Variants in ANO2 observed in about 807,000 individuals in gnomAD.
ANO2 encodes the protein anoctamin-2.
Under a neutral mutation model 124.2 loss-of-function variants are expected in ANO2, and 101 were observed. The observed-to-expected ratio is 0.81, with a 90% CI of 0.69 to 0.96. The LOEUF (loss-of-function observed/expected upper bound fraction) is 0.96, where lower values mean the gene tolerates loss of function less well. ANO2 is among the 40% of genes least tolerant of loss of function. ANO2 has a pLI of 0.00. For synonymous variants in ANO2, 486 were observed against 482.5 expected (o/e 1.01, Z -0.09); for missense variants, 1,293 against 1,274.5 (o/e 1.01, Z -0.22).
chr12:5,640,630 A>G (rs1273898247), intron 15 of ANO2, among the ~76,000 whole-genome samples: 2 of 152,254 alleles, frequency 1.3e-5, no homozygotes, highest in Non-Finnish European at 2.9e-5. Flanking sequence ...AAAAATGCTC[A>G]TCATCACTGG....
chr12:5,732,737 G>T, intron 13 of ANO2, 107 bp from the exon 14 acceptor site: 1 of 1,518,624 alleles, frequency 6.6e-7, no homozygotes, highest in Non-Finnish European at 9.1e-7. Flanking sequence ...AGGATTGGAT[G>T]CTATTGGATA....
intron 8 of ANO2, among the ~76,000 whole-genome samples, chr12:5,806,743 T>A (rs978248081): frequency 4.6e-5 from 7 of 152,250 alleles, no homozygotes; most frequent in African/African-American, 1.7e-4. Context: ...TCTGTTTTCT[T>A]TACTTAACCA....
chr12:5,735,369 T>G (rs904221252), intron 13 of ANO2, among the ~76,000 whole-genome samples: 1 of 152,118 alleles, frequency 6.6e-6, no homozygotes, highest in Non-Finnish European at 1.5e-5. Context: ...CACATTTGTC[T>G]GATGTAAAGA....
chr12:5,809,968 T>C (rs1407526922), intron 7 of ANO2, among the ~76,000 whole-genome samples: 1 of 152,222 alleles, frequency 6.6e-6, no homozygotes, highest in Admixed American at 6.5e-5. Context: ...AAGAAACTTT[T>C]ACACTCCAGC....
At chr12:5,833,542 G>T (rs534646034) in intron 4 of ANO2, among the ~76,000 whole-genome samples, 5 of 152,186 alleles carry the variant, frequency 3.3e-5, no homozygotes, top group African/African-American at 9.6e-5. Flanking sequence ...TTAGAACAGG[G>T]GTCCCCAATC....
intron 10 of ANO2, among the ~76,000 whole-genome samples, chr12:5,775,268 C>G (rs557161861): frequency 1.3e-5 from 2 of 151,968 alleles, no homozygotes; most frequent in African/African-American, 4.8e-5. Flanking sequence ...GAAATAATTA[C>G]GTGCACACAC....
At chr12:5,581,543 C>A (rs1410051658) in intron 20 of ANO2, among the ~76,000 whole-genome samples, 1 of 152,196 alleles carries the variant, frequency 6.6e-6, no homozygotes, top group Admixed American at 6.5e-5. Context: ...GGCTTCCCTG[C>A]TGGTTTGCTT....
intron 14 of ANO2, among the ~76,000 whole-genome samples, chr12:5,691,327 CAAA>C (rs60573302): frequency 3.4e-5 from 3 of 86,996 alleles, no homozygotes; most frequent in South Asian, 6.9e-4. Context: ...GACTCCATCT[CAAA>C]AAAAAAAAAA....
At chr12:5,735,031 G>A (rs1164249857) in intron 13 of ANO2, among the ~76,000 whole-genome samples, 4 of 152,174 alleles carry the variant, frequency 2.6e-5, no homozygotes, top group South Asian at 2.1e-4. Flanking sequence ...GACAGGCTGC[G>A]CTGCACTCAG....
intron 3 of ANO2, among the ~76,000 whole-genome samples, chr12:5,863,060 T>G (rs1955320457): frequency 6.6e-6 from 1 of 152,208 alleles, no homozygotes; most frequent in South Asian, 2.1e-4. Context: ...ACACATGCCT[T>G]TCACCTTCCA....
At chr12:5,590,512 G>A (rs895541029) in intron 20 of ANO2, among the ~76,000 whole-genome samples, 1 of 152,216 alleles carries the variant, frequency 6.6e-6, no homozygotes, top group African/African-American at 2.4e-5. Context: ...GCTTAGAAAT[G>A]TTTCCCCGAA....
At chr12:5,902,633 G>A (rs1198879240) in intron 3 of ANO2, among the ~76,000 whole-genome samples, 1 of 3,098 alleles carries the variant, frequency 3.2e-4, no homozygotes, top group Non-Finnish European at 6.9e-4. Flanking sequence ...GGAGGGGAGG[G>A]GAGGGGAGGG....
intron 2 of ANO2, 125 bp from the exon 3 acceptor site, chr12:5,921,491 C>A: frequency 2.3e-6 from 2 of 851,466 alleles, no homozygotes; most frequent in South Asian, 1.8e-5. Context: ...GGCCCAAAGG[C>A]CCCCAGTGCC....
chr12:5,895,149 T>C (rs550316565), intron 3 of ANO2, among the ~76,000 whole-genome samples: 192 of 152,338 alleles, frequency 1.3e-3, no homozygotes, highest in African/African-American at 4.4e-3. Flanking sequence ...CATTTGTTTG[T>C]GTCCTCTCTT....
intron 14 of ANO2, among the ~76,000 whole-genome samples, chr12:5,714,649 T>C (rs1949948664): frequency 6.6e-6 from 1 of 152,222 alleles, no homozygotes; most frequent in African/African-American, 2.4e-5. Flanking sequence ...CTATTCTTTC[T>C]CTTTATTCTT....
In ANO2 at chr12:5,790,561, C is replaced by T. The variant is rs557562576; in HGVS notation, c.1055+8946G>A. On this transcript the variant is annotated intron_variant, in intron 10 of 24. Transcript: ENST00000682330. ...TCAAATCTCTGCTTCCTGCTTAAAA[C>T]TCATCTATGTCGTAAGTCTCATTTT... Among the ~76,000 whole-genome samples the T allele has an allele frequency of 4.6e-5, 7 of 152,290 alleles. No individual in the cohort carries two copies. The South Asian group carries it at 1.0e-3, about 23-fold the overall frequency.
At chr12:5,621,861 G>A (rs1299971145) in intron 16 of ANO2, among the ~76,000 whole-genome samples, 2 of 152,096 alleles carry the variant, frequency 1.3e-5, no homozygotes, top group Non-Finnish European at 2.9e-5. Context: ...GAAGGAGGAA[G>A]AGGGAGGAGG....
intron 14 of ANO2, among the ~76,000 whole-genome samples, chr12:5,710,849 C>T (rs1429253278): frequency 6.6e-6 from 1 of 152,124 alleles, no homozygotes; most frequent in East Asian, 1.9e-4. Context: ...ATGTTTGTCT[C>T]CTCCAAATCT....
rs2136937586 is a variant in ANO2, at chr12:5,635,216, G to A, written c.1752C>T (p.Asn584=). 1 of 1,611,876 alleles carries A rather than the reference G, an allele frequency of 6.2e-7. No individual in the cohort carries two copies. The highest frequency in any genetic ancestry group is 8.5e-7 in the Non-Finnish European group (1 of 1,179,312). The part of the protein sequence containing the change: ...VTVTATAVII[N]LVVILILDEI... ...CGTCCAGGATGAGGATGACCACGAG[G>A]TTGATGATGACTGCTGTTGCTGTCA... is the stretch of plus-strand genomic sequence containing the variant. The change falls in exon 16 of 25, where the codon AAC becomes AAT. Residue 584 remains asparagine, a synonymous_variant. Transcript: ENST00000682330. This position sits in a 1 kb window ranked among gnomAD's most constrained non-coding sequence, Gnocchi z 5.2.
Sources: gnomAD v4.1 joint callset for allele counts (sites outside exome capture counted in the v4.1 genomes callset) on GRCh38, gnomAD v4.1.1 for gene constraint, Gnocchi (gnomAD v3.1) non-coding constraint, MANE v1.5 for transcripts, NCBI Gene and HGNC (gene_info 2026-07-23, HGNC 2026-07-21) for gene names.